KATNAL1: variants seen among roughly 807,000 people sequenced by gnomAD.
KATNAL1 encodes katanin catalytic subunit A1 like 1.
Under a neutral mutation model 55.2 loss-of-function variants are expected in KATNAL1, and 32 were observed. That is an observed-to-expected ratio of 0.58 (90% CI 0.44 to 0.78). The LOEUF (loss-of-function observed/expected upper bound fraction) is 0.78, where lower values mean the gene tolerates loss of function less well. KATNAL1 is among the 30% of genes least tolerant of loss of function. The probability of loss-of-function intolerance (pLI) is 0.00; values close to 1 mark genes in which losing one functional copy is unlikely to be tolerated. For missense variants in KATNAL1, 466 were observed against 600.9 expected (o/e 0.78, Z 2.35); for synonymous variants, 193 against 193.6 (o/e 1.00, Z 0.02).
intron 3 of KATNAL1, among the ~76,000 whole-genome samples, chr13:30,268,228 A>G (rs61946958): frequency 0.15 from 22,810 of 152,204 alleles, 2,239 homozygotes; most frequent in East Asian, 0.33. Flanking sequence ...ACTTCTTCCA[A>G]ACAAGCCACA....
chr13:30,218,315 A>AAAT (rs1874515294), intron 9 of KATNAL1, among the ~76,000 whole-genome samples: 1 of 151,912 alleles, frequency 6.6e-6, no homozygotes, highest in African/African-American at 2.4e-5. Flanking sequence ...GGTCAGCCTA[A>AAAT]AAGCAAAACA....
chr13:30,225,514 T>G (rs1051695179), intron 9 of KATNAL1, among the ~76,000 whole-genome samples: 8 of 152,114 alleles, frequency 5.3e-5, no homozygotes, highest in African/African-American at 1.9e-4. Flanking sequence ...CAGAATAGTA[T>G]TCAGAAATAG....
chr13:30,213,472 AAAGAG>A (rs1157741211), intron 9 of KATNAL1, among the ~76,000 whole-genome samples: 1 of 152,030 alleles, frequency 6.6e-6, no homozygotes, highest in African/African-American at 2.4e-5. Flanking sequence ...CACACCCAAA[AAAGAG>A]AATTTTAGAC....
At chr13:30,230,183 G>A (rs1048140107) in intron 8 of KATNAL1, among the ~76,000 whole-genome samples, 26 of 152,132 alleles carry the variant, frequency 1.7e-4, no homozygotes, top group Admixed American at 3.3e-4. Flanking sequence ...GGGTCTCAAA[G>A]ATCCCTAGGA....
intron 3 of KATNAL1, among the ~76,000 whole-genome samples, chr13:30,267,304 A>C (rs1256980568): frequency 6.6e-6 from 1 of 152,252 alleles, no homozygotes; most frequent in African/African-American, 2.4e-5. Context: ...TACTCTACAG[A>C]TAATAAAATA....
At chr13:30,262,378 C>A (rs574474436) in intron 3 of KATNAL1, among the ~76,000 whole-genome samples, 2,390 of 152,034 alleles carry the variant, frequency 0.016, 56 homozygotes, top group African/African-American at 0.054. Flanking sequence ...CAGAGCAGAA[C>A]TGAAGGAAAT....
chr13:30,231,592 C>T, intron 6 of KATNAL1, 120 bp from the exon 7 acceptor site: 1 of 581,688 alleles, frequency 1.7e-6, no homozygotes, highest in Non-Finnish European at 2.7e-6. Flanking sequence ...AAAATTGTCA[C>T]AGTAAAATCA....
chr13:30,211,748 C>A (rs368005453), intron 9 of KATNAL1, among the ~76,000 whole-genome samples: 1 of 152,090 alleles, frequency 6.6e-6, no homozygotes, highest in African/African-American at 2.4e-5. Flanking sequence ...ATGGAAAGAA[C>A]CAAGAACAGC....
chr13:30,255,394 C>A, intron 4 of KATNAL1, 53 bp downstream of exon 4: 1 of 1,345,608 alleles, frequency 7.4e-7, no homozygotes, highest in South Asian at 2.0e-5. Flanking sequence ...TCATAACATC[C>A]ACCAAAAGTC....
At chr13:30,275,289 G>A (rs985010820) in intron 3 of KATNAL1, among the ~76,000 whole-genome samples, 10 of 152,102 alleles carry the variant, frequency 6.6e-5, no homozygotes, top group East Asian at 1.9e-4. Context: ...GAGAGGTTGC[G>A]GGGGCAGTGC....
At chr13:30,253,864 A>G (rs927843704) in intron 4 of KATNAL1, among the ~76,000 whole-genome samples, 3 of 152,176 alleles carry the variant, frequency 2.0e-5, no homozygotes, top group African/African-American at 7.2e-5. Context: ...CAGGAAAAAG[A>G]TGTGTGACTT....
In KATNAL1 at chr13:30,279,995, CAAAACA is replaced by C. The variant is rs1881153051; in HGVS notation, c.323+62_323+67del. On this transcript the variant is annotated intron_variant, in intron 3 of 10. Transcript: ENST00000380615. ...CAAAAATAATTTTTCATACTTTGTT[CAAAACA>C]TGCTTCACTGTGAACATCAATTAAC... The C allele has an allele frequency of 4.7e-5, 65 of 1,385,180 alleles. No homozygotes were observed. The Middle Eastern group carries it at 9.1e-4, about 19-fold the overall frequency. The allele number at this position is 1,385,180 out of a possible 1,614,324, so 85.8% of individuals were successfully genotyped here.
chr13:30,306,122 AAT>A, intron 1 of KATNAL1, among the ~76,000 whole-genome samples: 2 of 152,268 alleles, frequency 1.3e-5, no homozygotes, highest in East Asian at 3.9e-4. Flanking sequence ...TAAAGCAGCA[AAT>A]TTCTAGGATG....
rs899169352 is a variant in KATNAL1 at position 30,204,631 on chromosome 13, T to G, written c.*3909A>C. The stretch of plus-strand genomic sequence containing the variant: ...AAACAAAGTCAAAGAATGACAATCA[T>G]ACTGTAAATTTGGGTTGTACACACA... On this transcript the variant is annotated 3_prime_UTR_variant, in exon 11 of 11. Transcript: ENST00000380615. 4 of 152,232 alleles carry G rather than the reference T, an allele frequency of 2.6e-5. No homozygotes were observed. The highest frequency in any genetic ancestry group is 9.6e-5 in the African/African-American group (4 of 41,478). The allele number at this position is 152,232 out of a possible 1,614,324, so 9.4% of individuals were successfully genotyped here.
intron 4 of KATNAL1, 84 bp from the exon 5 acceptor site, chr13:30,241,170 C>T: frequency 8.6e-7 from 1 of 1,157,658 alleles, no homozygotes; most frequent in South Asian, 1.4e-5. Flanking sequence ...ATTATAATGC[C>T]ATCACTTTCT....
At chr13:30,291,910 C>T (rs1386031503) in intron 1 of KATNAL1, among the ~76,000 whole-genome samples, 2 of 152,030 alleles carry the variant, frequency 1.3e-5, no homozygotes, top group Non-Finnish European at 2.9e-5. Context: ...TGGGGCATGC[C>T]TGTAATCCCA....
intron 1 of KATNAL1, among the ~76,000 whole-genome samples, chr13:30,284,277 C>T (rs897000000): frequency 6.6e-6 from 1 of 152,158 alleles, no homozygotes; most frequent in East Asian, 1.9e-4. Flanking sequence ...AAAGAACACC[C>T]ACGGAAATAA....
At chr13:30,281,655 T>G (rs1024632384) in intron 2 of KATNAL1, 1 of 152,184 alleles carries the variant, frequency 6.6e-6, no homozygotes, top group African/African-American at 2.4e-5. Context: ...ATGGAAAAAT[T>G]AGAAGAAACA....
Position 30,208,754 on chromosome 13 carries a change from A to G in KATNAL1, c.1275-16T>C, listed in dbSNP as rs764532340. ...AGAGGCATCCCTAAAAATATACCAA[A>G]ATCAGTCAACAGTAATTTTTGCACA... On this transcript the variant is annotated splice_polypyrimidine_tract_variant and intron_variant, in intron 10 of 10. Coordinates refer to ENST00000380615, the MANE Select transcript of KATNAL1 (RefSeq NM_032116.5). 1 of 1,566,626 alleles carries G rather than the reference A, an allele frequency of 6.4e-7. No individual in the cohort carries two copies. Among genetic ancestry groups the G allele is most frequent in the Non-Finnish European group, 8.7e-7 (1 of 1,148,600 alleles).
Sources: gnomAD v4.1 joint callset for allele counts (sites outside exome capture counted in the v4.1 genomes callset) on GRCh38, gnomAD v4.1.1 for gene constraint, MANE v1.5 for transcripts, NCBI Gene and HGNC (gene_info 2026-07-23, HGNC 2026-07-21) for gene names.